PTPRN2: variants seen among roughly 807,000 people sequenced by gnomAD.
PTPRN2 encodes the protein protein tyrosine phosphatase receptor type N2.
PTPRN2 carries 74 observed loss-of-function variants against 118.8 expected under a neutral mutation model. The ratio of observed to expected loss-of-function variants is 0.62; its 90% CI spans 0.52 to 0.76. The LOEUF is 0.76. PTPRN2 is among the 30% of genes least tolerant of loss of function. The probability of loss-of-function intolerance (pLI) is 0.00; values close to 1 mark genes in which losing one functional copy is unlikely to be tolerated. For synonymous variants in PTPRN2, 641 were observed against 608.0 expected (o/e 1.05, Z -0.80); for missense variants, 1,481 against 1,394.4 (o/e 1.06, Z -0.99).
At chr7:158,250,727 C>T (rs1258382171) in intron 3 of PTPRN2, among the ~76,000 whole-genome samples, 1 of 152,168 alleles carries the variant, frequency 6.6e-6, no homozygotes, top group East Asian at 1.9e-4. Flanking sequence ...TTGAATGTTG[C>T]GCCGTAGTCC....
chr7:158,457,132 G>T (rs1450434316), intron 2 of PTPRN2, among the ~76,000 whole-genome samples: 3 of 152,172 alleles, frequency 2.0e-5, no homozygotes, highest in Non-Finnish European at 4.4e-5. Context: ...CGCACGCAGG[G>T]TGGATTCAGT....
intron 2 of PTPRN2, among the ~76,000 whole-genome samples, chr7:158,359,836 G>C (rs115290430): frequency 1.3e-5 from 2 of 152,086 alleles, no homozygotes; most frequent in Admixed American, 1.3e-4. Context: ...TGATGGAATG[G>C]CCTTCTTCCT....
intron 1 of PTPRN2, among the ~76,000 whole-genome samples, chr7:158,493,848 C>T (rs1182856194): frequency 1.3e-5 from 2 of 151,730 alleles, no homozygotes; most frequent in South Asian, 2.1e-4. Context: ...CATGCACACA[C>T]TCATACATGT....
In PTPRN2 at chr7:157,929,258, G is replaced by A. The variant is rs376474518; in HGVS notation, c.1724-30521C>T. Among the ~76,000 whole-genome samples, 114 of 152,154 alleles carry A rather than the reference G, an allele frequency of 7.5e-4. 1 individual carries two copies. Among genetic ancestry groups the A allele is most frequent in the African/African-American group, 2.5e-3 (102 of 41,504 alleles). ...ACCCACAGCCCCTCTTCCCCAGTAC[G>A]CCGTGGCAGCCTGCCATCCGCTCTC... On this transcript the variant is annotated intron_variant, in intron 11 of 22. Coordinates refer to ENST00000389418, the MANE Select transcript of PTPRN2 (RefSeq NM_002847.5). The surrounding 1 kb of genome is among the most constrained non-coding windows in gnomAD (Gnocchi z 4.4).
chr7:158,102,685 G>C (rs899285849), intron 10 of PTPRN2, among the ~76,000 whole-genome samples: 1 of 152,202 alleles, frequency 6.6e-6, no homozygotes, highest in Non-Finnish European at 1.5e-5. Flanking sequence ...GCGGGTGTTG[G>C]AGGGATGAGG....
rs901076813 is a variant in PTPRN2, at chr7:157,611,331, T to C, written c.2345-7256A>G. On this transcript the variant is annotated intron_variant, in intron 15 of 22. Transcript: ENST00000389418. The surrounding 1 kb of genome is among the most constrained non-coding windows in gnomAD (Gnocchi z 5.9). ...TCAAGCCCTGGGGGATTCCCATACC[T>C]GAAGCGATTTTAACCCACACTAGTC... Among the ~76,000 whole-genome samples, 5 of 152,162 alleles carry C rather than the reference T, an allele frequency of 3.3e-5. No individual in the cohort carries two copies.
rs577979289 is a variant in PTPRN2 at position 158,310,676 on chromosome 7, G to A, written c.277+6143C>T. 1.1e-3 allele frequency among the ~76,000 whole-genome samples: 172 copies of A among 151,290 alleles called. 6 individuals are homozygous for A. Among genetic ancestry groups the A allele is most frequent in the African/African-American group, 3.1e-3 (126 of 40,924 alleles). ...TCCCACGGAGGGCGAGCCCTGAGCC[G>A]GACAGAGCGCAAGTCCCACGGAGGG... On this transcript the variant is annotated intron_variant, in intron 3 of 22. Coordinates refer to ENST00000389418, the MANE Select transcript of PTPRN2 (RefSeq NM_002847.5).
At position 158,277,110 on chromosome 7, in the gene PTPRN2, C is replaced by T. The variant is rs556662594; in HGVS notation, c.277+39709G>A. ...CAGAAGCCATCCTCTCACACACGTGCACACACACACACACGTGCCCGCACA... is the reference window on the plus strand; with the variant it reads ...CAGAAGCCATCCTCTCACACACGTGTACACACACACACACGTGCCCGCACA... On this transcript the variant is annotated intron_variant, in intron 3 of 22. Transcript: ENST00000389418. Among the ~76,000 whole-genome samples the T allele has an allele frequency of 4.1e-3, 610 of 147,782 alleles. 2 individuals carry two copies. The highest frequency in any genetic ancestry group is 7.5e-3 in the Non-Finnish European group (493 of 65,808).
At chr7:158,303,595 G>A (rs979187873) in intron 3 of PTPRN2, among the ~76,000 whole-genome samples, 1 of 152,180 alleles carries the variant, frequency 6.6e-6, no homozygotes, top group African/African-American at 2.4e-5. Context: ...TTTAAGACAG[G>A]AATAAGAAGA....
At chr7:157,683,554 G>A (rs1797014531) in intron 12 of PTPRN2, among the ~76,000 whole-genome samples, 1 of 152,178 alleles carries the variant, frequency 6.6e-6, no homozygotes, top group Admixed American at 6.5e-5. Flanking sequence ...GTGGCCTGGT[G>A]CAGACCACAA....
At chr7:158,141,863 GCGGA>G (rs1441699672) in intron 6 of PTPRN2, among the ~76,000 whole-genome samples, 1 of 152,216 alleles carries the variant, frequency 6.6e-6, no homozygotes, top group African/African-American at 2.4e-5. Context: ...ATGGGATGAA[GCGGA>G]CAGAGTCCTT....
At chr7:158,416,777 A>G (rs536547840) in intron 2 of PTPRN2, among the ~76,000 whole-genome samples, 1 of 152,324 alleles carries the variant, frequency 6.6e-6, no homozygotes. Flanking sequence ...ACTCATCCGC[A>G]CACAGCAGGG....
intron 11 of PTPRN2, among the ~76,000 whole-genome samples, chr7:158,048,597 TATC>T (rs1204820457): frequency 5.2e-5 from 6 of 115,968 alleles, no homozygotes; most frequent in East Asian, 4.7e-4. Context: ...TCATCATCAC[TATC>T]ATCATCAATC....
intron 11 of PTPRN2, among the ~76,000 whole-genome samples, chr7:158,026,425 C>A (rs1807276886): frequency 6.6e-6 from 1 of 152,150 alleles, no homozygotes; most frequent in Non-Finnish European, 1.5e-5. Context: ...ACCAAGGCTG[C>A]CCTCAGATGC....
chr7:158,151,001 C>A (rs1176322860), intron 6 of PTPRN2, among the ~76,000 whole-genome samples: 1 of 150,232 alleles, frequency 6.7e-6, no homozygotes, highest in East Asian at 1.9e-4. Flanking sequence ...GCACCTCATG[C>A]TGCCTCCTAT....
At chr7:157,770,967 G>A (rs1324867271) in intron 12 of PTPRN2, among the ~76,000 whole-genome samples, 6 of 152,256 alleles carry the variant, frequency 3.9e-5, no homozygotes, top group Middle Eastern at 3.4e-3. Flanking sequence ...CCGCTTGGCC[G>A]GTTGAGGCAG....
chr7:158,092,652 AAC>A (rs1410298454), intron 10 of PTPRN2, among the ~76,000 whole-genome samples: 2 of 152,146 alleles, frequency 1.3e-5, no homozygotes, highest in Non-Finnish European at 2.9e-5. Flanking sequence ...TGTTCAGAGA[AAC>A]ACAGTGCTAA....
At chr7:157,838,304 C>T (rs915715306) in intron 12 of PTPRN2, among the ~76,000 whole-genome samples, 100 of 148,308 alleles carry the variant, frequency 6.7e-4, no homozygotes, top group Non-Finnish European at 8.0e-4. Flanking sequence ...TAGTGGATGG[C>T]ATGGGAGAAA....
At chr7:158,488,430 C>G (rs942132094) in intron 2 of PTPRN2, among the ~76,000 whole-genome samples, 6 of 152,204 alleles carry the variant, frequency 3.9e-5, no homozygotes, top group African/African-American at 1.4e-4. Context: ...GGCGCCTCCA[C>G]CGTGGCTTCC....
Sources: gnomAD v4.1 joint callset for allele counts (sites outside exome capture counted in the v4.1 genomes callset) on GRCh38, gnomAD v4.1.1 for gene constraint, Gnocchi (gnomAD v3.1) non-coding constraint, MANE v1.5 for transcripts, NCBI Gene and HGNC (gene_info 2026-07-23, HGNC 2026-07-21) for gene names.